The following SLC16A9 variants were observed in gnomAD, a reference collection of about 807,000 sequenced individuals.
SLC16A9 encodes monocarboxylate transporter 9.
Under a neutral mutation model 44.3 loss-of-function variants are expected in SLC16A9, and 26 were observed. The ratio of observed to expected loss-of-function variants is 0.59; its 90% CI spans 0.43 to 0.81. The LOEUF is 0.81. Ranked by LOEUF, SLC16A9 falls within the 40% of genes least tolerant of loss-of-function variation. The pLI, the probability that SLC16A9 is intolerant of heterozygous loss-of-function variation, is 0.00. For missense variants in SLC16A9, 559 were observed against 595.8 expected (o/e 0.94, Z 0.64); for synonymous variants, 230 against 225.1 (o/e 1.02, Z -0.19).
chr10:59,666,871 C>CAAACAAA (rs1839630130), intron 3 of SLC16A9, among the ~76,000 whole-genome samples: 1 of 114,954 alleles, frequency 8.7e-6, no homozygotes, highest in Non-Finnish European at 1.8e-5. Flanking sequence ...TATTTTCCAG[C>CAAACAAA]AAAAAAAAAA....
Position 59,652,960 on chromosome 10 carries a change from C to T in SLC16A9, c.1352-10G>A, listed in dbSNP as rs1202390300. ...CAGTCATAAAACCAACCTGAAAAGG[C>T]AGTAAGAAAAAAAGTAAGTTTCATG... On this transcript the variant is annotated splice_polypyrimidine_tract_variant and intron_variant, in intron 5 of 5. Transcript: ENST00000395348. The T allele has an allele frequency of 5.0e-6, 8 of 1,589,086 alleles. No homozygotes were observed. In the African/African-American group the frequency reaches 6.8e-5, roughly 14 times the overall value.
At chr10:59,656,494 A>G (rs1377250812) in intron 4 of SLC16A9, among the ~76,000 whole-genome samples, 1 of 152,242 alleles carries the variant, frequency 6.6e-6, no homozygotes, top group Non-Finnish European at 1.5e-5. Flanking sequence ...CACATAAGAT[A>G]GCAGAGAATG....
intron 1 of SLC16A9, among the ~76,000 whole-genome samples, chr10:59,692,160 G>A (rs551515966): frequency 6.6e-6 from 1 of 152,324 alleles, no homozygotes; most frequent in East Asian, 1.9e-4. Context: ...CACTTTAAGA[G>A]CCTAGAATCC....
At chr10:59,661,036 C>T (rs891755497) in intron 4 of SLC16A9, among the ~76,000 whole-genome samples, 2 of 152,190 alleles carry the variant, frequency 1.3e-5, no homozygotes, top group Non-Finnish European at 2.9e-5. Context: ...GACAAACCGA[C>T]AGCCAATATT....
intron 2 of SLC16A9, among the ~76,000 whole-genome samples, chr10:59,683,122 T>C (rs1038602794): frequency 3.3e-5 from 5 of 152,180 alleles, no homozygotes; most frequent in African/African-American, 9.7e-5. Context: ...CAAATCATAT[T>C]TAATGTCCTT....
intron 1 of SLC16A9, chr10:59,708,564 A>G (rs757568786): frequency 3.3e-5 from 5 of 152,246 alleles, no homozygotes; most frequent in Non-Finnish European, 5.9e-5. Context: ...TCAAAACTGT[A>G]GCCTAGAAAA....
intron 2 of SLC16A9, among the ~76,000 whole-genome samples, chr10:59,682,530 C>A (rs1182212696): frequency 1.3e-5 from 2 of 152,168 alleles, no homozygotes; most frequent in Non-Finnish European, 2.9e-5. Flanking sequence ...GCCCTCTACT[C>A]CAACCTGGAC....
intron 1 of SLC16A9, among the ~76,000 whole-genome samples, chr10:59,696,998 G>A (rs1158960144): frequency 1.2e-4 from 12 of 102,158 alleles, no homozygotes; most frequent in East Asian, 5.2e-4. Context: ...TCAGCCCCCC[G>A]CCCGGCCAGC....
At chr10:59,662,937 C>T (rs1357421293) in intron 4 of SLC16A9, among the ~76,000 whole-genome samples, 1 of 152,110 alleles carries the variant, frequency 6.6e-6, no homozygotes, top group African/African-American at 2.4e-5. Flanking sequence ...TGGGTATATA[C>T]CCCAAGGATT....
At chr10:59,671,348 T>C (rs567243233) in intron 3 of SLC16A9, among the ~76,000 whole-genome samples, 2 of 152,338 alleles carry the variant, frequency 1.3e-5, no homozygotes, top group South Asian at 4.1e-4. Context: ...ATATATGGAA[T>C]GATAACGTGA....
chr10:59,686,905 T>C (rs1441614716), intron 1 of SLC16A9, among the ~76,000 whole-genome samples: 1 of 152,190 alleles, frequency 6.6e-6, no homozygotes, highest in East Asian at 1.9e-4. Context: ...GCAAGACCAG[T>C]GTCAGGCACA....
In SLC16A9 at chr10:59,654,590, C is replaced by A. The variant is rs1370569640; in HGVS notation, c.437-1G>T. The A allele has an allele frequency of 1.3e-6, 2 of 1,564,878 alleles. No individual in the cohort carries two copies. Among genetic ancestry groups the A allele is most frequent in the Non-Finnish European group, 1.7e-6 (2 of 1,162,590 alleles). On this transcript the variant is annotated splice_acceptor_variant, in intron 4 of 5. Transcript: ENST00000395348. LOFTEE classifies it high-confidence loss of function. Reference sequence around the variant, plus strand: ...TATATGAAAAGGCCAACGCTTGAACCTAAAAAGGGAATGGGAACTGTTCAA... The same window carrying A: ...TATATGAAAAGGCCAACGCTTGAACATAAAAAGGGAATGGGAACTGTTCAA...
Position 59,677,797 on chromosome 10 carries a change from T to C in SLC16A9, c.197-4884A>G, listed in dbSNP as rs573682570. 3.3e-4 allele frequency among the ~76,000 whole-genome samples: 51 copies of C among 152,256 alleles called. No individual in the cohort carries two copies. In the South Asian group the frequency reaches 9.8e-3, roughly 29 times the overall value. ...CAGTTTTTAATTTATTATAGGATAG[T>C]TTTGGGAATGAAATTATTCCCTTTA... On this transcript the variant is annotated intron_variant, in intron 2 of 5. Coordinates refer to ENST00000395348, the MANE Select transcript of SLC16A9 (RefSeq NM_194298.3).
intron 1 of SLC16A9, among the ~76,000 whole-genome samples, chr10:59,685,161 C>G (rs1221544383): frequency 1.3e-5 from 2 of 152,214 alleles, no homozygotes; most frequent in African/African-American, 4.8e-5. Context: ...ACATTCCCCA[C>G]CTTCCTTTGT....
At chr10:59,698,268 A>G (rs565246631) in intron 1 of SLC16A9, among the ~76,000 whole-genome samples, 46 of 152,364 alleles carry the variant, frequency 3.0e-4, no homozygotes, top group Non-Finnish European at 5.4e-4. Context: ...AGATCCTTTC[A>G]GGAGAATATG....
intron 1 of SLC16A9, among the ~76,000 whole-genome samples, chr10:59,694,501 T>G (rs993077737): frequency 7.4e-4 from 113 of 152,088 alleles, no homozygotes; most frequent in Non-Finnish European, 1.4e-3. Context: ...ATAGAATACA[T>G]TAAGTATACT....
At chr10:59,685,953 C>A (rs879340224) in intron 1 of SLC16A9, among the ~76,000 whole-genome samples, 138 of 148,556 alleles carry the variant, frequency 9.3e-4, no homozygotes, top group Non-Finnish European at 1.7e-3. Context: ...AGCATTTCAT[C>A]ATAGTTTCAA....
chr10:59,661,431 A>G (rs568558229), intron 4 of SLC16A9, among the ~76,000 whole-genome samples: 1 of 152,280 alleles, frequency 6.6e-6, no homozygotes, highest in African/African-American at 2.4e-5. Context: ...CTAGAAATAC[A>G]ACTTACAAGG....
intron 2 of SLC16A9, among the ~76,000 whole-genome samples, chr10:59,681,510 GA>G (rs59645240): frequency 2.5e-5 from 2 of 80,952 alleles, no homozygotes; most frequent in African/African-American, 4.7e-5. Context: ...ATATGTATAT[GA>G]TGTATATGTA....
Sources: allele counts gnomAD v4.1 joint callset (sites outside exome capture counted in the v4.1 genomes callset), GRCh38; gene constraint gnomAD v4.1.1; transcripts MANE v1.5; gene names NCBI Gene and HGNC (gene_info 2026-07-23, HGNC 2026-07-21).